Variants in ABCC3 observed in about 807,000 individuals in gnomAD.
ABCC3 encodes ATP binding cassette subfamily C member 3.
A neutral mutation model predicts 165.3 loss-of-function variants in ABCC3; 121 were observed. The ratio of observed to expected loss-of-function variants is 0.73; its 90% CI spans 0.63 to 0.85. The LOEUF (loss-of-function observed/expected upper bound fraction) is 0.85, where lower values mean the gene tolerates loss of function less well. ABCC3 is among the 40% of genes least tolerant of loss of function. The probability of loss-of-function intolerance (pLI) is 0.00; values close to 1 mark genes in which losing one functional copy is unlikely to be tolerated. For synonymous variants in ABCC3, 733 were observed against 810.1 expected (o/e 0.90, Z 1.62); for missense variants, 1,869 against 1,964.1 (o/e 0.95, Z 0.92).
rs954875475 is a variant in ABCC3 at position 50,657,461 on chromosome 17, G to A, written c.486+278G>A. Among the ~76,000 whole-genome samples, 6 of 152,368 alleles carry A rather than the reference G, an allele frequency of 3.9e-5. No homozygotes were observed. The South Asian group carries it at 6.2e-4, about 16-fold the overall frequency. Reference sequence around the variant, plus strand: ...CCACCCACCAAGTGCAATATCTGACGTGGGTGTCAGTCAGTGCCTGTGTAA... The same window carrying A: ...CCACCCACCAAGTGCAATATCTGACATGGGTGTCAGTCAGTGCCTGTGTAA... On this transcript the variant is annotated intron_variant, in intron 4 of 30. Coordinates refer to ENST00000285238, the MANE Select transcript of ABCC3 (RefSeq NM_003786.4).
intron 24 of ABCC3, 66 bp from the exon 25 acceptor site, chr17:50,678,026 TC>T: frequency 1.2e-6 from 2 of 1,613,872 alleles, no homozygotes; most frequent in Non-Finnish European, 1.7e-6. Flanking sequence ...GTCCCTCCTT[TC>T]CCCTAAGCAG....
intron 25 of ABCC3, among the ~76,000 whole-genome samples, chr17:50,678,521 C>T (rs1020486465): frequency 6.6e-6 from 1 of 152,180 alleles, no homozygotes. Flanking sequence ...GCTCAGCCGT[C>T]GACCTTGCCT....
At chr17:50,655,412 AAAAAAAAAACAAAAAC>A (rs1174492591) in intron 1 of ABCC3, among the ~76,000 whole-genome samples, 1 of 149,298 alleles carries the variant, frequency 6.7e-6, no homozygotes, top group Non-Finnish European at 1.5e-5. Flanking sequence ...CTCAAAAAAA[AAAAAAAAAACAAAAAC>A]AAAAAAAAAA....
chr17:50,683,511 T>G (rs375361731), intron 26 of ABCC3, 99 bp from the exon 27 acceptor site: 31 of 1,307,348 alleles, frequency 2.4e-5, no homozygotes, highest in Non-Finnish European at 2.8e-5. Context: ...CCAGGGACCA[T>G]AGTTGGGGAG....
At chr17:50,646,117 G>C (rs1015895560) in intron 1 of ABCC3, among the ~76,000 whole-genome samples, 4 of 152,220 alleles carry the variant, frequency 2.6e-5, no homozygotes, top group Admixed American at 2.6e-4. Context: ...AAGCGGAGAA[G>C]GGTGGGAGAA....
intron 1 of ABCC3, among the ~76,000 whole-genome samples, chr17:50,650,547 C>T (rs1208179973): frequency 2.6e-5 from 4 of 152,174 alleles, no homozygotes; most frequent in Non-Finnish European, 5.9e-5. Context: ...TTGTCCTATA[C>T]TTTCCTCTTC....
At chr17:50,650,267 G>A (rs1234802450) in intron 1 of ABCC3, among the ~76,000 whole-genome samples, 7 of 152,038 alleles carry the variant, frequency 4.6e-5, no homozygotes, top group African/African-American at 9.7e-5. Flanking sequence ...CACCACACCC[G>A]GCTTATTTTT....
In ABCC3 at chr17:50,665,265, C is replaced by T; in HGVS notation, c.1431+20C>T. ...TTCCAGGTAGGTGCTGTCAGAGGTG[C>T]ATCCTCCTGCCTGCAGCACCCGGCC... On this transcript the variant is annotated intron_variant, in intron 11 of 30. Coordinates refer to ENST00000285238, the MANE Select transcript of ABCC3 (RefSeq NM_003786.4). 2 of 1,610,550 alleles carry T rather than the reference C, an allele frequency of 1.2e-6. No homozygotes were observed. The highest frequency in any genetic ancestry group is 8.5e-7 in the Non-Finnish European group (1 of 1,177,716).
At chr17:50,636,320 A>G (rs1452275001) in intron 1 of ABCC3, among the ~76,000 whole-genome samples, 1 of 152,052 alleles carries the variant, frequency 6.6e-6, no homozygotes, top group Non-Finnish European at 1.5e-5. Flanking sequence ...TGTGTTTAGA[A>G]TGGGCTGAAG....
At chr17:50,677,703 G>T in intron 23 of ABCC3, 41 bp from the exon 24 acceptor site, 1 of 1,590,652 alleles carries the variant, frequency 6.3e-7, no homozygotes, top group Non-Finnish European at 8.6e-7. Flanking sequence ...TGAGTTGGGG[G>T]TTCCATGGCC....
At chr17:50,659,433 G>A (rs1055413515) in intron 7 of ABCC3, 65 bp downstream of exon 7, 91 of 1,538,944 alleles carry the variant, frequency 5.9e-5, no homozygotes, top group South Asian at 2.8e-4. Flanking sequence ...TGCAGAGGAC[G>A]CTGGTAGACC....
At chr17:50,647,461 G>A (rs1967023226) in intron 1 of ABCC3, among the ~76,000 whole-genome samples, 2 of 152,200 alleles carry the variant, frequency 1.3e-5, no homozygotes, top group Non-Finnish European at 2.9e-5. Flanking sequence ...GAGGCAGCAG[G>A]AAGTAGGCGC....
intron 1 of ABCC3, among the ~76,000 whole-genome samples, chr17:50,637,035 A>C (rs2054187089): frequency 6.6e-6 from 1 of 152,146 alleles, no homozygotes; most frequent in African/African-American, 2.4e-5. Context: ...TGGCCCGCGC[A>C]CTTCTCCTTG....
At chr17:50,679,427 A>T (rs1287781441) in intron 25 of ABCC3, 1 of 169,760 alleles carries the variant, frequency 5.9e-6, no homozygotes, top group Non-Finnish European at 1.3e-5. Context: ...CCCATGGGCC[A>T]GTTGCATCAC....
chr17:50,669,852 A>G (rs902715154), intron 17 of ABCC3, among the ~76,000 whole-genome samples: 1 of 151,822 alleles, frequency 6.6e-6, no homozygotes, highest in Non-Finnish European at 1.5e-5. Context: ...ATGGAGTGCC[A>G]TGGTGACATC....
At chr17:50,682,011 T>C (rs984237993) in intron 26 of ABCC3, among the ~76,000 whole-genome samples, 1 of 152,164 alleles carries the variant, frequency 6.6e-6, no homozygotes, top group African/African-American at 2.4e-5. Context: ...TATAAATGTC[T>C]GCCCTCAACC....
intron 1 of ABCC3, among the ~76,000 whole-genome samples, chr17:50,653,731 C>T (rs1967162008): frequency 7.0e-6 from 1 of 143,124 alleles, no homozygotes; most frequent in African/African-American, 2.6e-5. Context: ...CCAGCCTGGG[C>T]AACAAGAGTG....
intron 1 of ABCC3, among the ~76,000 whole-genome samples, chr17:50,637,808 G>A (rs1284853953): frequency 6.6e-6 from 1 of 152,260 alleles, no homozygotes; most frequent in African/African-American, 2.4e-5. Flanking sequence ...AAGAAAAATG[G>A]GGTTAGAAGA....
intron 1 of ABCC3, among the ~76,000 whole-genome samples, chr17:50,642,330 TG>T (rs912488545): frequency 2.3e-4 from 35 of 152,278 alleles, no homozygotes; most frequent in African/African-American, 8.4e-4. Context: ...GGGTACCCCC[TG>T]CCTCCTAGGG....
Sources: allele counts gnomAD v4.1 joint callset (sites outside exome capture counted in the v4.1 genomes callset), GRCh38; gene constraint gnomAD v4.1.1; transcripts MANE v1.5; gene names NCBI Gene and HGNC (gene_info 2026-07-23, HGNC 2026-07-21).